Variants in ANGPT1 observed in about 807,000 individuals in gnomAD.
The protein encoded by ANGPT1 is angiopoietin 1.
A neutral mutation model predicts 62.2 loss-of-function variants in ANGPT1; 17 were observed. That is an observed-to-expected ratio of 0.27 (90% CI 0.19 to 0.41). The LOEUF is 0.41. Ranked by LOEUF, ANGPT1 falls within the 10% of genes least tolerant of loss-of-function variation. The pLI, the probability that ANGPT1 is intolerant of heterozygous loss-of-function variation, is 1.00. For missense variants in ANGPT1, 478 were observed against 594.9 expected (o/e 0.80, Z 2.04); for synonymous variants, 199 against 198.9 (o/e 1.00, Z 0.00).
At chr8:107,279,146 TG>T (rs1485741654) in intron 7 of ANGPT1, among the ~76,000 whole-genome samples, 1 of 152,204 alleles carries the variant, frequency 6.6e-6, no homozygotes, top group African/African-American at 2.4e-5. Context: ...GTTGCAGTGG[TG>T]GTTGTGTATT....
chr8:107,305,636 C>T (rs994566602), intron 4 of ANGPT1, among the ~76,000 whole-genome samples: 2 of 151,972 alleles, frequency 1.3e-5, no homozygotes, highest in African/African-American at 4.8e-5. Context: ...GAGAATTCTA[C>T]CATCAAAAGG....
In ANGPT1 at chr8:107,363,378, T is replaced by G. The variant is rs560227492; in HGVS notation, c.298-16281A>C. The stretch of plus-strand genomic sequence containing the variant: ...TCTCTGGTGTAACTGCATATACAGT[T>G]ATCAATAAGAAGACAATGAACAGCT... On this transcript the variant is annotated intron_variant, in intron 1 of 8. Transcript: ENST00000517746. 8.5e-5 allele frequency among the ~76,000 whole-genome samples: 13 copies of G among 152,320 alleles called. No homozygotes were observed. In the South Asian group the frequency reaches 1.7e-3, roughly 19 times the overall value.
intron 1 of ANGPT1, among the ~76,000 whole-genome samples, chr8:107,476,890 C>T (rs1812547343): frequency 6.6e-6 from 1 of 152,094 alleles, no homozygotes; most frequent in South Asian, 2.1e-4. Flanking sequence ...ATTTTCCCCT[C>T]AGAATTCAAC....
At chr8:107,435,125 GA>G (rs1334233755) in intron 1 of ANGPT1, among the ~76,000 whole-genome samples, 1 of 152,150 alleles carries the variant, frequency 6.6e-6, no homozygotes, top group Non-Finnish European at 1.5e-5. Flanking sequence ...GACTGTAAAT[GA>G]GCACAAGGGA....
intron 1 of ANGPT1, among the ~76,000 whole-genome samples, chr8:107,413,327 C>A (rs1013932506): frequency 3.9e-5 from 6 of 152,090 alleles, no homozygotes; most frequent in African/African-American, 7.2e-5. Flanking sequence ...CAGACCTGCT[C>A]CCTCTGCTCC....
At chr8:107,489,949 A>G (rs80093073) in intron 1 of ANGPT1, among the ~76,000 whole-genome samples, 5 of 151,970 alleles carry the variant, frequency 3.3e-5, no homozygotes, top group African/African-American at 1.2e-4. Context: ...AAAAAAAAAA[A>G]AGAAGAAAAG....
At chr8:107,378,878 G>A (rs1229729547) in intron 1 of ANGPT1, among the ~76,000 whole-genome samples, 1 of 151,208 alleles carries the variant, frequency 6.6e-6, no homozygotes, top group Non-Finnish European at 1.5e-5. Context: ...CTCAGTCTTA[G>A]GTAGTATCTT....
At chr8:107,316,370 G>C (rs1381241237) in intron 4 of ANGPT1, among the ~76,000 whole-genome samples, 1 of 152,126 alleles carries the variant, frequency 6.6e-6, no homozygotes, top group Non-Finnish European at 1.5e-5. Flanking sequence ...CTAGTAGTGT[G>C]ATATTTAAGC....
chr8:107,379,184 A>G (rs1274645263), intron 1 of ANGPT1, among the ~76,000 whole-genome samples: 4 of 152,120 alleles, frequency 2.6e-5, no homozygotes. Context: ...ATAAATGCAG[A>G]CCAACTATTA....
At chr8:107,466,934 A>G (rs1004805951) in intron 1 of ANGPT1, among the ~76,000 whole-genome samples, 10 of 151,966 alleles carry the variant, frequency 6.6e-5, no homozygotes, top group Admixed American at 6.6e-4. Flanking sequence ...CGAGAAATAT[A>G]CAAATTCAAT....
At chr8:107,279,580 C>T (rs1026113920) in intron 7 of ANGPT1, among the ~76,000 whole-genome samples, 2 of 152,094 alleles carry the variant, frequency 1.3e-5, no homozygotes, top group African/African-American at 2.4e-5. Context: ...AGTACTATGC[C>T]TCAGTTTTCT....
At chr8:107,343,059 T>C (rs1371758334) in intron 2 of ANGPT1, among the ~76,000 whole-genome samples, 1 of 148,634 alleles carries the variant, frequency 6.7e-6, no homozygotes, top group Non-Finnish European at 1.5e-5. Flanking sequence ...GGTGTCAAAC[T>C]CCTGGGCTCA....
chr8:107,252,089 A>C (rs1431639965), intron 8 of ANGPT1, 74 bp from the exon 9 acceptor site: 24 of 1,474,336 alleles, frequency 1.6e-5, no homozygotes. Flanking sequence ...TTGGAAATTA[A>C]TGGCATTAAA....
At chr8:107,431,729 T>C (rs555723135) in intron 1 of ANGPT1, among the ~76,000 whole-genome samples, 3 of 80,130 alleles carry the variant, frequency 3.7e-5, no homozygotes, top group African/African-American at 1.7e-4. Context: ...GGGAAACTAC[T>C]CTGTCTTTTT....
intron 1 of ANGPT1, among the ~76,000 whole-genome samples, chr8:107,489,646 C>A (rs2130538387): frequency 6.6e-6 from 1 of 152,234 alleles, no homozygotes; most frequent in East Asian, 1.9e-4. Flanking sequence ...AGGTATAGAT[C>A]CTACATGGAA....
chr8:107,357,562 C>T (rs1816072694), intron 1 of ANGPT1, among the ~76,000 whole-genome samples: 1 of 152,110 alleles, frequency 6.6e-6, no homozygotes, highest in African/African-American at 2.4e-5. Context: ...AAAAGGCTCT[C>T]CACCAGATAA....
intron 2 of ANGPT1, among the ~76,000 whole-genome samples, chr8:107,345,143 G>A (rs1447795174): frequency 2.0e-5 from 3 of 152,088 alleles, no homozygotes; most frequent in Non-Finnish European, 4.4e-5. Flanking sequence ...CCCTCTCATT[G>A]CTACTTGTGA....
At chr8:107,279,773 G>T (rs899973692) in intron 7 of ANGPT1, among the ~76,000 whole-genome samples, 1 of 9,428 alleles carries the variant, frequency 1.1e-4, no homozygotes, top group Non-Finnish European at 2.4e-4. Context: ...TCAAAGGAAG[G>T]GGGGGGGAGA....
intron 5 of ANGPT1, among the ~76,000 whole-genome samples, chr8:107,300,253 T>C (rs1814555600): frequency 6.6e-6 from 1 of 151,024 alleles, no homozygotes. Context: ...GTTAATCAGC[T>C]TGTAAATTAC....
Sources: allele counts gnomAD v4.1 joint callset (sites outside exome capture counted in the v4.1 genomes callset), GRCh38; gene constraint gnomAD v4.1.1; transcripts MANE v1.5; gene names NCBI Gene and HGNC (gene_info 2026-07-23, HGNC 2026-07-21).